The following FADS2 variants were observed in gnomAD, a reference collection of about 807,000 sequenced individuals.
FADS2 encodes the protein fatty acid desaturase 2.
Under a neutral mutation model 61.2 loss-of-function variants are expected in FADS2, and 18 were observed. The ratio of observed to expected loss-of-function variants is 0.29; its 90% CI spans 0.20 to 0.44. The LOEUF is 0.44. FADS2 is among the 20% of genes least tolerant of loss of function. The probability of loss-of-function intolerance (pLI) is 1.00; values close to 1 mark genes in which losing one functional copy is unlikely to be tolerated. For synonymous variants in FADS2, 203 were observed against 223.9 expected, an observed-to-expected ratio of 0.91 and a Z score of 0.83; for missense variants, 322 against 572.7, an observed-to-expected ratio of 0.56 and a Z score of 4.47.
rs570721583 is a variant in FADS2 at position 61,821,573 on chromosome 11, G to T, written c.141+5147G>T. The T allele has an allele frequency of 3.8e-4, 228 of 604,042 alleles. No homozygotes were observed. The African/African-American group carries it at 3.8e-3, about 10-fold the overall frequency. 37.4% of individuals were successfully genotyped at this position (604,042 alleles called of 1,614,324 possible). ...CAACACATATAGGAGAAGCAATACC[G>T]GTTGTGCTCAGCCTCTGCTGCAGCC... On this transcript the variant is annotated intron_variant, in intron 1 of 11. Transcript: ENST00000257261.
intron 10 of FADS2, among the ~76,000 whole-genome samples, chr11:61,864,767 C>T (rs1377592258): frequency 1.3e-5 from 2 of 151,556 alleles, no homozygotes; most frequent in Non-Finnish European, 2.9e-5. Flanking sequence ...AACTTCTGGC[C>T]TCAAGTGATC....
chr11:61,824,490 GAAAGAAAGAAA>G (rs2067063424), upstream of FADS2, among the ~76,000 whole-genome samples: 1 of 9,288 alleles, frequency 1.1e-4, no homozygotes, highest in Admixed American at 1.9e-3. Flanking sequence ...GAGAGAGAGA[GAAAGAAAGAAA>G]GGAAAGAAAG....
intron 4 of FADS2, among the ~76,000 whole-genome samples, chr11:61,845,236 C>A (rs548176778): frequency 6.6e-6 from 1 of 151,982 alleles, no homozygotes; most frequent in Non-Finnish European, 1.5e-5. Context: ...TCTCCAGCTG[C>A]GTGGACACTT....
chr11:61,822,891 T>C (rs886905733), intron 1 of FADS2, among the ~76,000 whole-genome samples: 3 of 152,246 alleles, frequency 2.0e-5, no homozygotes, highest in Non-Finnish European at 4.4e-5. Flanking sequence ...GATATTTTTG[T>C]ATATAGATAT....
rs2067459811 is a variant in FADS2 at position 61,865,403 on chromosome 11, CTG to C, written c.1283+130_1283+131del. Reference sequence around the variant, plus strand: ...CAGGGCACCTGCCTTACTCCCGAGCCTGTGTTAGGAGCTGTTGGGCTTTTCTC... The same window carrying C: ...CAGGGCACCTGCCTTACTCCCGAGCCTGTTAGGAGCTGTTGGGCTTTTCTC... On this transcript the variant is annotated intron_variant, in intron 11 of 11. Transcript: ENST00000278840. This position sits in a 1 kb window ranked among gnomAD's most constrained non-coding sequence, Gnocchi z 4.1. The C allele has an allele frequency of 8.0e-6, 10 of 1,250,532 alleles. No individual in the cohort carries two copies. In the South Asian group the frequency reaches 8.7e-5, roughly 11 times the overall value. The allele number at this position is 1,250,532 out of a possible 1,614,324, so 77.5% of individuals were successfully genotyped here.
upstream of FADS2, chr11:61,828,271 C>A: frequency 1.4e-6 from 2 of 1,456,356 alleles, no homozygotes; most frequent in Admixed American, 2.5e-5. The surrounding 1 kb of genome is among the most constrained non-coding windows in gnomAD (Gnocchi z 6.4). Context: ...TAGGAGAAGA[C>A]AAAAGCCGAA....
At chr11:61,824,417 A>G, upstream of FADS2, among the ~76,000 whole-genome samples, 1 of 10,132 alleles carries the variant, frequency 9.9e-5, no homozygotes, top group Admixed American at 1.9e-3. Context: ...AGAGAGAGAG[A>G]GAGAGAGAGA....
chr11:61,863,956 G>T (rs1325107121), intron 10 of FADS2, 170 bp downstream of exon 10: 2 of 611,312 alleles, frequency 3.3e-6, no homozygotes, highest in Non-Finnish European at 5.9e-6. Flanking sequence ...CAGGAGAGGG[G>T]CTCCCCTATT....
chr11:61,853,095 C>T (rs1236392405), intron 5 of FADS2, among the ~76,000 whole-genome samples: 1 of 152,144 alleles, frequency 6.6e-6, no homozygotes, highest in Non-Finnish European at 1.5e-5. Flanking sequence ...GCGGAGGTTG[C>T]AGTGAGCTGA....
chr11:61,845,173 C>T (rs2067247416), intron 4 of FADS2, among the ~76,000 whole-genome samples: 2 of 151,772 alleles, frequency 1.3e-5, no homozygotes, highest in Admixed American at 1.3e-4. Flanking sequence ...CCAGGGCCTC[C>T]CGTAGGCTCT....
At chr11:61,839,649 T>C (rs1240157743) in intron 2 of FADS2, among the ~76,000 whole-genome samples, 1 of 152,240 alleles carries the variant, frequency 6.6e-6, no homozygotes, top group Non-Finnish European at 1.5e-5. Flanking sequence ...ATTTGACGTG[T>C]ACAGTTCAGT....
In FADS2 at chr11:61,816,610, C is replaced by T; in HGVS notation, c.141+184C>T. 2.5e-6 allele frequency: 4 copies of T among 1,605,020 alleles called. No individual in the cohort carries two copies. The highest frequency in any genetic ancestry group is 1.1e-5 in the South Asian group (1 of 90,046). On this transcript the variant is annotated intron_variant, in intron 1 of 11. Coordinates refer to the FADS2 transcript ENST00000257261. This position sits in a 1 kb window ranked among gnomAD's most constrained non-coding sequence, Gnocchi z 7.0. ...GACCCGGGAGCCCCCTGGATGCCGG[C>T]GGGTGAACTCGCTGATGTTGTACAC...
intron 4 of FADS2, among the ~76,000 whole-genome samples, chr11:61,846,131 C>CTTTTTTTTTT (rs550169322): frequency 1.5e-5 from 2 of 130,480 alleles, no homozygotes; most frequent in African/African-American, 2.8e-5. Flanking sequence ...TCTTTCTTTT[C>CTTTTTTTTTT]TTTTTTTTTT....
At chr11:61,826,198 C>A, upstream of FADS2, 1 of 702,560 alleles carries the variant, frequency 1.4e-6, no homozygotes. Flanking sequence ...ATTTGAGCCC[C>A]ATCTACCGCC....
At chr11:61,862,898 C>A in intron 7 of FADS2, 74 bp from the exon 8 acceptor site, 3 of 1,189,062 alleles carry the variant, frequency 2.5e-6, no homozygotes, top group Non-Finnish European at 2.5e-6. Context: ...GAGGTGTGTG[C>A]ACATCTGGGG....
chr11:61,865,140 C>T lies in FADS2; in HGVS notation c.1158-12C>T, dbSNP rs754867121. ...GAGTCCTCACGCTCTGCCCACCCTA[C>T]ACACTCCTCAGCCTCTTCCCCACCA... On this transcript the variant is annotated splice_polypyrimidine_tract_variant and intron_variant, in intron 10 of 11. Coordinates refer to ENST00000278840, the MANE Select transcript of FADS2 (RefSeq NM_004265.4). The surrounding 1 kb of genome is among the most constrained non-coding windows in gnomAD (Gnocchi z 4.1). The T allele has an allele frequency of 1.2e-6, 2 of 1,611,992 alleles. No individual in the cohort carries two copies. Among genetic ancestry groups the T allele is most frequent in the South Asian group, 2.2e-5 (2 of 90,970 alleles).
chr11:61,845,290 C>T (rs568291226), intron 4 of FADS2, among the ~76,000 whole-genome samples: 155 of 152,142 alleles, frequency 1.0e-3, no homozygotes, highest in African/African-American at 3.6e-3. Flanking sequence ...TGTGATGAGG[C>T]CAGACCCTCC....
upstream of FADS2, among the ~76,000 whole-genome samples, chr11:61,825,762 A>G (rs370276146): frequency 9.3e-3 from 1,380 of 147,710 alleles, 19 homozygotes; most frequent in African/African-American, 0.032. Context: ...GTGTGGTGGC[A>G]GGCGCCTGTA....
chr11:61,833,739 C>T (rs1228711694), intron 1 of FADS2, among the ~76,000 whole-genome samples: 1 of 152,232 alleles, frequency 6.6e-6, no homozygotes, highest in Admixed American at 6.5e-5. Flanking sequence ...CGTGGGGATG[C>T]CGGAGAAGGC....
Sources: allele counts gnomAD v4.1 joint callset (sites outside exome capture counted in the v4.1 genomes callset), GRCh38; gene constraint gnomAD v4.1.1; non-coding constraint Gnocchi (gnomAD v3.1); transcripts MANE v1.5; gene names NCBI Gene and HGNC (gene_info 2026-07-23, HGNC 2026-07-21).